FBXW8: variants seen among roughly 807,000 people sequenced by gnomAD.
FBXW8 encodes the protein F-box/WD repeat-containing protein 8.
Under a neutral mutation model 65.3 loss-of-function variants are expected in FBXW8, and 57 were observed. That is an observed-to-expected ratio of 0.87 (90% confidence interval 0.71 to 1.09). FBXW8 has a LOEUF of 1.09. FBXW8 is among the 50% of genes least tolerant of loss of function. The pLI is 0.00. For missense variants in FBXW8, 777 were observed against 814.8 expected, an observed-to-expected ratio of 0.95 and a Z score of 0.57; for synonymous variants, 308 against 330.2, an observed-to-expected ratio of 0.93 and a Z score of 0.73.
chr12:117,013,067 A>G (rs1446644861), intron 8 of FBXW8, among the ~76,000 whole-genome samples: 1 of 152,102 alleles, frequency 6.6e-6, no homozygotes, highest in Non-Finnish European at 1.5e-5. Flanking sequence ...CAGATGGTGA[A>G]ACCCCGTCTC....
intron 5 of FBXW8, among the ~76,000 whole-genome samples, chr12:116,984,310 C>T (rs4767488): frequency 0.68 from 102,981 of 152,014 alleles, 39,692 homozygotes; most frequent in Non-Finnish European, 0.84. Flanking sequence ...TAAGTCGCCA[C>T]GTGGTACTGA....
chr12:116,984,688 A>G (rs918688292), intron 5 of FBXW8, among the ~76,000 whole-genome samples: 1 of 152,222 alleles, frequency 6.6e-6, no homozygotes, highest in Non-Finnish European at 1.5e-5. Flanking sequence ...TCATGCACAG[A>G]ATTATTTAAA....
At chr12:116,992,399 CT>C (rs34567342) in intron 7 of FBXW8, among the ~76,000 whole-genome samples, 14,983 of 146,276 alleles carry the variant, frequency 0.1, 2,017 homozygotes, top group African/African-American at 0.32. Context: ...TATTTTTGCC[CT>C]TTTTTTTTTG....
At chr12:116,920,950 C>T (rs538722273) in intron 1 of FBXW8, among the ~76,000 whole-genome samples, 2 of 152,278 alleles carry the variant, frequency 1.3e-5, no homozygotes, top group African/African-American at 4.8e-5. Context: ...CTTCTCTCCT[C>T]GCCATGTCCT....
At chr12:117,014,861 C>A (rs1314008154) in intron 8 of FBXW8, among the ~76,000 whole-genome samples, 1 of 152,124 alleles carries the variant, frequency 6.6e-6, no homozygotes, top group Admixed American at 6.5e-5. Flanking sequence ...ATTATGGGAT[C>A]CCTTTCTTGA....
Position 116,928,139 on chromosome 12 carries a change from C to A in FBXW8, c.423+12C>A, listed in dbSNP as rs775811031. 2.0e-6 allele frequency: 3 copies of A among 1,510,178 alleles called. No homozygotes were observed. The African/African-American group carries it at 4.1e-5, about 21-fold the overall frequency. The allele number at this position is 1,510,178 out of a possible 1,614,324, so 93.5% of individuals were successfully genotyped here. A position where few individuals can be genotyped will look rare whatever the true frequency, so the allele number is the denominator to read the frequency against. ...GAAGATGTGCACAGGTAAGGTGTCA[C>A]CAACAGATGTTCCAGATTTTCCTAA... On this transcript the variant is annotated intron_variant, in intron 2 of 10. Transcript: ENST00000652555.
intron 6 of FBXW8, chr12:116,985,604 A>C (rs1329357807): frequency 3.6e-6 from 2 of 549,622 alleles, no homozygotes; most frequent in Non-Finnish European, 6.3e-6. Flanking sequence ...TGCTTAGAGC[A>C]GTGAACTGAC....
At chr12:116,940,305 T>G (rs752410704) in intron 2 of FBXW8, among the ~76,000 whole-genome samples, 4 of 149,472 alleles carry the variant, frequency 2.7e-5, no homozygotes, top group African/African-American at 5.0e-5. Context: ...GACCATATTT[T>G]GCAGATGACT....
chr12:116,972,560 A>G (rs982135711), intron 5 of FBXW8, among the ~76,000 whole-genome samples: 1 of 152,156 alleles, frequency 6.6e-6, no homozygotes, highest in Non-Finnish European at 1.5e-5. Context: ...TCTGGGGGCC[A>G]GGGACAGTGT....
chr12:116,964,886 G>GA (rs141187693), intron 5 of FBXW8, 32 bp downstream of exon 5: 2,429 of 1,378,238 alleles, frequency 1.8e-3, no homozygotes, highest in Middle Eastern at 3.0e-3. Context: ...CCCTATTAAG[G>GA]AAAAAAAAAA....
In FBXW8 at chr12:117,028,369, C is replaced by T. The variant is rs1315818139; in HGVS notation, c.*197C>T. The T allele has an allele frequency of 4.6e-6, 3 of 653,088 alleles. No homozygotes were observed. The highest frequency in any genetic ancestry group is 7.7e-6 in the Non-Finnish European group (3 of 389,934). 40.5% of individuals were successfully genotyped at this position (653,088 alleles called of 1,614,324 possible). A position where few individuals can be genotyped will look rare whatever the true frequency, so the allele number is the denominator to read the frequency against. On this transcript the variant is annotated 3_prime_UTR_variant, in exon 11 of 11. Transcript: ENST00000652555. The surrounding 1 kb of genome is among the most constrained non-coding windows in gnomAD (Gnocchi z 4.1). ...GGGCAAGCTGGCGTGTGCCAGGGCT[C>T]GAGTCCCACGTGCTGCCAACTCAAA...
At chr12:116,951,694 A>G (rs934841456) in intron 4 of FBXW8, among the ~76,000 whole-genome samples, 3 of 152,196 alleles carry the variant, frequency 2.0e-5, no homozygotes, top group Admixed American at 6.5e-5. Flanking sequence ...TCAGCTCTCT[A>G]TGTAAATATT....
In FBXW8 at chr12:116,988,954, A is replaced by G. The variant is rs997490025; in HGVS notation, c.1239+85A>G. 42 of 1,318,952 alleles carry G rather than the reference A, an allele frequency of 3.2e-5. No homozygotes were observed. The African/African-American group carries it at 4.1e-4, about 13-fold the overall frequency. 81.7% of individuals were successfully genotyped at this position (1,318,952 alleles called of 1,614,324 possible). On this transcript the variant is annotated intron_variant, in intron 7 of 10. Transcript: ENST00000652555. ...GGAATTGAAAAATTAAAGCTCTTCA[A>G]TATTTTTCCAGATATATCAGGCCAG...
intron 7 of FBXW8, among the ~76,000 whole-genome samples, chr12:117,004,448 G>C (rs1953627982): frequency 6.6e-6 from 1 of 152,088 alleles, no homozygotes. Context: ...TTCTTAAAGG[G>C]GCCTGAGTTG....
chr12:116,975,513 G>A (rs530533726), intron 5 of FBXW8, among the ~76,000 whole-genome samples: 5 of 152,170 alleles, frequency 3.3e-5, no homozygotes, highest in Non-Finnish European at 7.4e-5. Context: ...CACTGAAATG[G>A]TGGTAGGGGG....
chr12:116,917,991 C>CAA lies in FBXW8; in HGVS notation c.318+6648_318+6649dup, dbSNP rs11451674. Among the ~76,000 whole-genome samples the CAA allele has an allele frequency of 6.0e-3, 711 of 117,974 alleles. 3 individuals are homozygous for CAA. The highest frequency in any genetic ancestry group is 8.9e-3 in the Middle Eastern group (2 of 224). The allele number at this position is 117,974 out of a possible 152,430, so 77.4% of individuals were successfully genotyped here. A position where few individuals can be genotyped will look rare whatever the true frequency, so the allele number is the denominator to read the frequency against. On this transcript the variant is annotated intron_variant, in intron 1 of 10. Coordinates refer to ENST00000652555, the MANE Select transcript of FBXW8 (RefSeq NM_153348.3). ...TGGGTGACAGAGCAAGACTCCACCT[C>CAA]AAAAAAAAAAAAACAAAAAAAAAAC...
chr12:116,998,305 G>C (rs1167667403), intron 7 of FBXW8, among the ~76,000 whole-genome samples: 3 of 151,952 alleles, frequency 2.0e-5, no homozygotes, highest in African/African-American at 7.3e-5. Flanking sequence ...ATTCACACTT[G>C]CCTAGTTCCT....
At position 116,979,295 on chromosome 12, in the gene FBXW8, G is replaced by T. The variant is rs76897381; in HGVS notation, c.836-5911G>T. On this transcript the variant is annotated intron_variant, in intron 5 of 10. Coordinates refer to ENST00000652555, the MANE Select transcript of FBXW8 (RefSeq NM_153348.3). Reference sequence around the variant, plus strand: ...CTGGCTGGCCTCCTTAGGGAGGTGGGAGGGGCCTGCTGCAAACTGGCATGG... The same window carrying T: ...CTGGCTGGCCTCCTTAGGGAGGTGGTAGGGGCCTGCTGCAAACTGGCATGG... The T allele has an allele frequency of 2.1e-4, 32 of 152,376 alleles. No homozygotes were observed. The East Asian group carries it at 5.6e-3, about 27-fold the overall frequency. The allele number at this position is 152,376 out of a possible 1,614,324, so 9.4% of individuals were successfully genotyped here. A position where few individuals can be genotyped will look rare whatever the true frequency, so the allele number is the denominator to read the frequency against.
At position 117,029,028 on chromosome 12, in the gene FBXW8, A is replaced by G. The variant is rs907910609; in HGVS notation, c.*856A>G. ...AACTGATAGAACTACAAAGAGAAATAAAATCCATTCTCACGGCAGGCAAAT... is the reference window on the plus strand; with the variant it reads ...AACTGATAGAACTACAAAGAGAAATGAAATCCATTCTCACGGCAGGCAAAT... On this transcript the variant is annotated 3_prime_UTR_variant, in exon 11 of 11. Transcript: ENST00000652555. 1 of 152,264 alleles carries G rather than the reference A, an allele frequency of 6.6e-6. No homozygotes were observed. The highest frequency in any genetic ancestry group is 2.4e-5 in the African/African-American group (1 of 41,472). 9.4% of individuals were successfully genotyped at this position (152,264 alleles called of 1,614,324 possible). A position where few individuals can be genotyped will look rare whatever the true frequency, so the allele number is the denominator to read the frequency against.
Sources: allele counts gnomAD v4.1 joint callset (sites outside exome capture counted in the v4.1 genomes callset), GRCh38; gene constraint gnomAD v4.1.1; non-coding constraint Gnocchi (gnomAD v3.1); transcripts MANE v1.5; gene names NCBI Gene and HGNC (gene_info 2026-07-23, HGNC 2026-07-21).